The following PAQR3 variants were observed in gnomAD, a reference collection of about 807,000 sequenced individuals.
PAQR3 encodes progestin and adipoQ receptor family member 3, also known as Raf kinase trapping to Golgi.
PAQR3 carries 39 observed loss-of-function variants against 41.7 expected under a neutral mutation model. That is an observed-to-expected ratio of 0.93 (90% CI 0.72 to 1.22). The LOEUF (loss-of-function observed/expected upper bound fraction) is 1.22. PAQR3 is among the 50% of genes most tolerant of loss of function. The pLI, the probability that PAQR3 is intolerant of heterozygous loss-of-function variation, is 0.00. For synonymous variants in PAQR3, 140 were observed against 140.6 expected (o/e 1.00, Z 0.03); for missense variants, 366 against 385.6 (o/e 0.95, Z 0.42).
chr4:78,937,822 A>T (rs1487708322), intron 1 of PAQR3, among the ~76,000 whole-genome samples: 1 of 152,248 alleles, frequency 6.6e-6, no homozygotes, highest in Non-Finnish European at 1.5e-5. Flanking sequence ...TAACATCAGA[A>T]CGCAGAAGAC....
At chr4:78,910,039 TAC>T (rs1734499878), downstream of PAQR3, among the ~76,000 whole-genome samples, 2 of 152,214 alleles carry the variant, frequency 1.3e-5, no homozygotes, top group East Asian at 1.9e-4. Flanking sequence ...ATGTTTTTGG[TAC>T]AGTCTCCATT....
At chr4:78,927,608 G>C (rs374376689) in intron 3 of PAQR3, among the ~76,000 whole-genome samples, 2 of 152,270 alleles carry the variant, frequency 1.3e-5, no homozygotes, top group Admixed American at 6.5e-5. Flanking sequence ...GGCCTGAAAG[G>C]CCACATAAAT....
intron 1 of PAQR3, 79 bp downstream of exon 1, chr4:78,938,961 G>C: frequency 1.5e-6 from 2 of 1,365,520 alleles, no homozygotes; most frequent in Non-Finnish European, 2.0e-6. Flanking sequence ...AGAAAGGCGG[G>C]GAAAGCAGAA....
At chr4:78,908,994 C>G (rs1049765839), downstream of PAQR3, among the ~76,000 whole-genome samples, 4 of 134,480 alleles carry the variant, frequency 3.0e-5, no homozygotes, top group Non-Finnish European at 5.9e-5. Context: ...CCACCAAAAT[C>G]TCTAACTTGC....
In PAQR3 at chr4:78,922,538, G is replaced by A. The variant is rs149193224; in HGVS notation, c.793+1319C>T. The A allele has an allele frequency of 4.0e-3, 3,695 of 927,510 alleles. 15 individuals carry two copies. Among genetic ancestry groups the A allele is most frequent in the Non-Finnish European group, 5.0e-3 (3,337 of 663,374 alleles). 57.5% of individuals were successfully genotyped at this position (927,510 alleles called of 1,614,324 possible). On this transcript the variant is annotated intron_variant, in intron 5 of 5. Transcript: ENST00000512733. Reference sequence around the variant, plus strand: ...TTTATGTACTCTAAATGTTATTTCTGACCCATGCCAAAACTTACCTGGATT... The same window carrying A: ...TTTATGTACTCTAAATGTTATTTCTAACCCATGCCAAAACTTACCTGGATT...
intron 11 of PAQR3, among the ~76,000 whole-genome samples, chr4:78,890,688 T>C (rs1733386417): frequency 6.6e-6 from 1 of 152,206 alleles, no homozygotes; most frequent in Admixed American, 6.5e-5. Flanking sequence ...CAGTTTAAGG[T>C]GGCTATCATT....
At position 78,918,578 on chromosome 4, in the gene PAQR3, C is replaced by G. The variant is rs1298397100; in HGVS notation, c.*1961G>C. 1.0e-6 allele frequency: 1 copy of G among 974,414 alleles called. No individual in the cohort carries two copies. Among genetic ancestry groups the G allele is most frequent in the African/African-American group, 1.8e-5 (1 of 56,950 alleles). The allele number at this position is 974,414 out of a possible 1,614,324, so 60.4% of individuals were successfully genotyped here. ...TTCCCTACAGAAAGACCTGTACACC[C>G]TTTAAATTCAAAGAAACACGGATTT... On this transcript the variant is annotated 3_prime_UTR_variant, in exon 6 of 6. Transcript: ENST00000512733.
intron 2 of PAQR3, among the ~76,000 whole-genome samples, chr4:78,930,905 T>TATAC (rs1423754265): frequency 1.4e-5 from 2 of 141,128 alleles, no homozygotes; most frequent in Admixed American, 7.1e-5. Flanking sequence ...TATATATATA[T>TATAC]ACACACACAT....
rs1416302640 is a variant in PAQR3 at position 78,916,648 on chromosome 4, T to A, written c.*3891A>T. The A allele has an allele frequency of 6.6e-6, 1 of 151,932 alleles. No homozygotes were observed. Among genetic ancestry groups the A allele is most frequent in the Admixed American group, 6.6e-5 (1 of 15,210 alleles). The allele number at this position is 151,932 out of a possible 1,614,324, so 9.4% of individuals were successfully genotyped here. A position where few individuals can be genotyped will look rare whatever the true frequency, so the allele number is the denominator to read the frequency against. On this transcript the variant is annotated 3_prime_UTR_variant, in exon 6 of 6. Transcript: ENST00000512733. ...ATTACTGATACTCGAGTGATGACAG[T>A]AAGGCAAAAACAATATTGTGTAGTG... is the stretch of plus-strand genomic sequence containing the variant.
In PAQR3 at chr4:78,918,981, T is replaced by C. The variant is rs146314797; in HGVS notation, c.*1558A>G. ...CCATTTTCAAAGCAGCCTTCCATCA[T>C]AACGATGGGTAAGACACGGTATTCC... On this transcript the variant is annotated 3_prime_UTR_variant, in exon 6 of 6. Coordinates refer to ENST00000512733, the MANE Select transcript of PAQR3 (RefSeq NM_001040202.2). 9.3e-5 allele frequency: 92 copies of C among 985,042 alleles called. No individual in the cohort carries two copies. The African/African-American group carries it at 1.2e-3, about 13-fold the overall frequency. 61.0% of individuals were successfully genotyped at this position (985,042 alleles called of 1,614,324 possible).
chr4:78,888,949 C>T (rs879455704), intron 11 of PAQR3, among the ~76,000 whole-genome samples: 4 of 152,114 alleles, frequency 2.6e-5, no homozygotes, highest in African/African-American at 7.2e-5. Context: ...GGGCCGGGCG[C>T]GGTGGCTTGC....
rs1054569541 is a variant in PAQR3 at position 78,916,403 on chromosome 4, T to C, written c.*4136A>G. The C allele has an allele frequency of 6.6e-6, 1 of 152,006 alleles. No individual in the cohort carries two copies. Among genetic ancestry groups the C allele is most frequent in the African/African-American group, 2.4e-5 (1 of 41,442 alleles). The allele number at this position is 152,006 out of a possible 1,614,324, so 9.4% of individuals were successfully genotyped here. On this transcript the variant is annotated 3_prime_UTR_variant, in exon 6 of 6. Coordinates refer to ENST00000512733, the MANE Select transcript of PAQR3 (RefSeq NM_001040202.2). ...GAGTTTTTCATTATTTGTCTTATTATGACTTTTGGATGTAAACTTCTATTC... is the reference window on the plus strand; with the variant it reads ...GAGTTTTTCATTATTTGTCTTATTACGACTTTTGGATGTAAACTTCTATTC...
chr4:78,926,480 G>T lies in PAQR3; in HGVS notation c.702+41C>A, dbSNP rs199934007. ...TACCCAAAAGGAATAAAATTGAAAGGAAAAAAAAAAAGAGAAAAATATTAA... is the reference window on the plus strand; with the variant it reads ...TACCCAAAAGGAATAAAATTGAAAGTAAAAAAAAAAAGAGAAAAATATTAA... On this transcript the variant is annotated intron_variant, in intron 4 of 5. Coordinates refer to ENST00000512733, the MANE Select transcript of PAQR3 (RefSeq NM_001040202.2). The T allele has an allele frequency of 2.7e-6, 3 of 1,125,850 alleles. No individual in the cohort carries two copies. In the East Asian group the frequency reaches 9.3e-5, roughly 35 times the overall value. 69.7% of individuals were successfully genotyped at this position (1,125,850 alleles called of 1,614,324 possible). A position where few individuals can be genotyped will look rare whatever the true frequency, so the allele number is the denominator to read the frequency against.
At chr4:78,894,761 C>T (rs1019859360) in intron 11 of PAQR3, among the ~76,000 whole-genome samples, 4 of 152,180 alleles carry the variant, frequency 2.6e-5, no homozygotes, top group African/African-American at 9.7e-5. Context: ...AGCTTTTGAC[C>T]TATCTCAGCT....
chr4:78,939,232 G>T lies in PAQR3; in HGVS notation c.-8C>A, dbSNP rs1385854019. ...CAGCAGCTTCTGATGCATCGTTCCC[G>T]GCCGCCGCCGCTCCCCGGCTCGGGA... On this transcript the variant is annotated 5_prime_UTR_variant, in exon 1 of 6. Coordinates refer to ENST00000512733, the MANE Select transcript of PAQR3 (RefSeq NM_001040202.2). The T allele has an allele frequency of 1.3e-6, 2 of 1,575,262 alleles. No individual in the cohort carries two copies. The highest frequency in any genetic ancestry group is 2.8e-5 in the African/African-American group (2 of 71,266).
rs1735493651 is a variant in PAQR3, at chr4:78,919,948, G to C, written c.*591C>G. Reference sequence around the variant, plus strand: ...CTTACTGCAGAAGTTTAAAGCTTTTGTTCTGGAAAACTAAAATATCTAATG... The same window carrying C: ...CTTACTGCAGAAGTTTAAAGCTTTTCTTCTGGAAAACTAAAATATCTAATG... On this transcript the variant is annotated 3_prime_UTR_variant, in exon 6 of 6. Transcript: ENST00000512733. The C allele has an allele frequency of 1.0e-6, 1 of 984,902 alleles. No homozygotes were observed. The highest frequency in any genetic ancestry group is 4.7e-5 in the South Asian group (1 of 21,274). The allele number at this position is 984,902 out of a possible 1,614,324, so 61.0% of individuals were successfully genotyped here. A position where few individuals can be genotyped will look rare whatever the true frequency, so the allele number is the denominator to read the frequency against.
intron 11 of PAQR3, chr4:78,898,973 G>A (rs2110091282): frequency 6.6e-6 from 1 of 152,380 alleles, no homozygotes; most frequent in East Asian, 1.9e-4. Context: ...TCTGCACTAA[G>A]TTGGACCTCA....
intron 11 of PAQR3, among the ~76,000 whole-genome samples, chr4:78,894,002 C>G (rs974637546): frequency 1.3e-5 from 2 of 152,176 alleles, no homozygotes; most frequent in Non-Finnish European, 2.9e-5. Context: ...TGTCAATGAG[C>G]AGGAATATTT....
chr4:78,926,587 TC>T lies in PAQR3; in HGVS notation c.635del (p.Gly212AspfsTer4), dbSNP rs759225036. 1 of 1,613,948 alleles carries T rather than the reference TC, an allele frequency of 6.2e-7. No individual in the cohort carries two copies. ...AGTGAAGAGTAGGAATCACTCCATA[TC>T]CCGAAACAGAACAAAAGATGATAGA... ...LRSIIFCSVS[G>X]YGVIPTLHWV... On this transcript the variant is annotated frameshift_variant, in exon 4 of 6. Transcript: ENST00000512733. LOFTEE classifies it high-confidence loss of function.
Sources: gnomAD v4.1 joint callset for allele counts (sites outside exome capture counted in the v4.1 genomes callset) on GRCh38, gnomAD v4.1.1 for gene constraint, MANE v1.5 for transcripts, NCBI Gene and HGNC (gene_info 2026-07-23, HGNC 2026-07-21) for gene names.